PCDHA2: variants seen among roughly 807,000 people sequenced by gnomAD.
The protein encoded by PCDHA2 is protocadherin alpha-2.
In PCDHA2, 58 loss-of-function variants were observed where a neutral mutation model predicts 66.0. That is an observed-to-expected ratio of 0.88 (90% CI 0.71 to 1.09). The LOEUF (loss-of-function observed/expected upper bound fraction) is 1.09, where lower values mean the gene tolerates loss of function less well. Among genes scored for constraint, PCDHA2 ranks in the 50% least tolerant of loss-of-function variants. The pLI is 0.00. For synonymous variants in PCDHA2, 634 were observed against 554.0 expected (o/e 1.14, Z -2.03); for missense variants, 1,267 against 1,242.3 (o/e 1.02, Z -0.30).
chr5:140,971,332 A>G (rs1229650076), intron 1 of PCDHA2, among the ~76,000 whole-genome samples: 3 of 152,242 alleles, frequency 2.0e-5, no homozygotes, highest in Non-Finnish European at 4.4e-5. Context: ...AAATTATTTC[A>G]GAAAGTGCTT....
In PCDHA2 at chr5:140,796,786, T is replaced by G; in HGVS notation, c.1822T>G (p.Ser608Ala). 1 of 1,614,138 alleles carries G rather than the reference T, an allele frequency of 6.2e-7. No homozygotes were observed. The highest frequency in any genetic ancestry group is 8.5e-7 in the Non-Finnish European group (1 of 1,179,978). ...TGACTCAGGCTACAACGCGTGGCTT[T>G]CGTACGAGCTTCAGCTGGGTACTGG... Reference protein sequence around the residue: ...DADSGYNAWLSYELQLGTGSA... With the variant: ...DADSGYNAWLAYELQLGTGSA... The change falls in exon 1 of 4, where the codon TCG becomes GCG. Residue 608 changes from serine to alanine, a missense_variant. By Grantham distance (99) the Ser-to-Ala change is moderately conservative (BLOSUM62 1). Coordinates refer to ENST00000526136, the MANE Select transcript of PCDHA2 (RefSeq NM_018905.3).
At chr5:140,855,023 G>T (rs115040572) in intron 1 of PCDHA2, among the ~76,000 whole-genome samples, 1 of 149,492 alleles carries the variant, frequency 6.7e-6, no homozygotes, top group African/African-American at 2.4e-5. Context: ...GAAACTTCTT[G>T]TATAAAGGAT....
chr5:140,882,565 C>A (rs782122682), intron 1 of PCDHA2: 9 of 1,614,118 alleles, frequency 5.6e-6, no homozygotes, highest in African/African-American at 2.7e-5. Flanking sequence ...GTGGGCGGAG[C>A]GCGGAGTGCA....
chr5:140,898,067 T>C (rs2066506598), intron 1 of PCDHA2, among the ~76,000 whole-genome samples: 1 of 152,122 alleles, frequency 6.6e-6, no homozygotes, highest in Admixed American at 6.5e-5. Context: ...TTGTTTGAGT[T>C]CATTGTAGAT....
intron 1 of PCDHA2, chr5:140,864,867 C>A (rs868913325): frequency 3.9e-5 from 6 of 152,058 alleles, no homozygotes; most frequent in South Asian, 2.1e-4. Context: ...AAGGGTGATA[C>A]CATTGTCTGT....
chr5:140,987,474 G>A (rs114440148), intron 3 of PCDHA2, among the ~76,000 whole-genome samples: 307 of 152,240 alleles, frequency 2.0e-3, no homozygotes, highest in African/African-American at 7.1e-3. Context: ...CTCAAGCTTG[G>A]GAGTCAGTGA....
chr5:140,992,841 A>G (rs1351149915), intron 3 of PCDHA2, among the ~76,000 whole-genome samples: 2 of 152,188 alleles, frequency 1.3e-5, no homozygotes, highest in African/African-American at 2.4e-5. Flanking sequence ...AACATTTTGT[A>G]TAACAACCAG....
At chr5:140,883,526 G>A (rs1554178547) in intron 1 of PCDHA2, 2 of 1,614,226 alleles carry the variant, frequency 1.2e-6, no homozygotes, top group East Asian at 2.2e-5. Flanking sequence ...GAGCGTATCA[G>A]CCTATGAACT....
At chr5:140,829,087 TC>T in intron 1 of PCDHA2, 2 of 1,611,204 alleles carry the variant, frequency 1.2e-6, no homozygotes, top group South Asian at 2.2e-5. Flanking sequence ...CCATGGCGGG[TC>T]ATTGCACCGT....
rs187442653 is a variant in PCDHA2 at position 140,926,080 on chromosome 5, C to T, written c.2389-52869C>T. ...TCCCCTCCTTGTCGTCTCTATTGCC[C>T]TCTTGGCAGCTCCTGGGATACAAGA... On this transcript the variant is annotated intron_variant, in intron 1 of 3. Transcript: ENST00000526136. Among the ~76,000 whole-genome samples, 179 of 152,334 alleles carry T rather than the reference C, an allele frequency of 1.2e-3. 1 individual carries two copies. Among genetic ancestry groups the T allele is most frequent in the African/African-American group, 3.9e-3 (162 of 41,574 alleles).
chr5:140,980,252 A>C (rs993133768), intron 2 of PCDHA2, among the ~76,000 whole-genome samples: 6 of 152,188 alleles, frequency 3.9e-5, no homozygotes, highest in African/African-American at 1.4e-4. Context: ...CAATGGGTAA[A>C]AGCATGGTTT....
chr5:140,988,707 G>A (rs2097310016), intron 3 of PCDHA2, among the ~76,000 whole-genome samples: 1 of 152,106 alleles, frequency 6.6e-6, no homozygotes, highest in African/African-American at 2.4e-5. Context: ...TATTTTCTTG[G>A]ACCTCTCATT....
intron 1 of PCDHA2, among the ~76,000 whole-genome samples, chr5:140,826,100 T>A (rs1768814944): frequency 6.6e-6 from 1 of 152,354 alleles, no homozygotes; most frequent in South Asian, 2.1e-4. Context: ...CCTTCTATCA[T>A]GCTATTTATA....
rs782531082 is a variant in PCDHA2 at position 140,877,160 on chromosome 5, C to T, written c.2388+79808C>T. The T allele has an allele frequency of 4.0e-5, 64 of 1,613,696 alleles. 1 individual carries two copies. In the Admixed American group the frequency reaches 1.0e-3, roughly 26 times the overall value. The stretch of plus-strand genomic sequence containing the variant: ...GTGCTGGACGAGAACGACAACGCGC[C>T]GGCACTGCTGGCGACTCCGGCTGGC... On this transcript the variant is annotated intron_variant, in intron 1 of 3. Transcript: ENST00000526136.
intron 1 of PCDHA2, chr5:140,865,906 T>A (rs2153227023): frequency 6.6e-6 from 1 of 152,286 alleles, no homozygotes; most frequent in Non-Finnish European, 1.5e-5. Flanking sequence ...CAGGCAAATC[T>A]TTCTTTCTGT....
intron 1 of PCDHA2, chr5:140,966,754 G>A (rs1554228611): frequency 1.4e-6 from 2 of 1,432,146 alleles, no homozygotes; most frequent in South Asian, 3.0e-5. Context: ...TGCCTCCGCC[G>A]CGGCCAGTGG....
At chr5:140,816,848 C>T (rs1304434378) in intron 1 of PCDHA2, 1 of 151,714 alleles carries the variant, frequency 6.6e-6, no homozygotes, top group East Asian at 1.9e-4. Context: ...GTGTGCTGTA[C>T]TGTGGGCCCT....
Position 140,977,158 on chromosome 5 carries a change from A to G in PCDHA2, c.2389-1791A>G, listed in dbSNP as rs6862693. Among the ~76,000 whole-genome samples, 983 of 152,340 alleles carry G rather than the reference A, an allele frequency of 6.5e-3. 6 individuals carry two copies. The highest frequency in any genetic ancestry group is 0.023 in the African/African-American group (951 of 41,586). ...CAGTCCTGCTGGAACTGTGCCTTTC[A>G]GCAAAATGAGTTTGATGATTTCATT... On this transcript the variant is annotated intron_variant, in intron 1 of 3. Transcript: ENST00000526136.
At chr5:140,871,125 G>A (rs1387416665) in intron 1 of PCDHA2, 1 of 1,613,330 alleles carries the variant, frequency 6.2e-7, no homozygotes. Context: ...GCGGACAGGC[G>A]CCAAAGGCCT....
Sources: gnomAD v4.1 joint callset for allele counts (sites outside exome capture counted in the v4.1 genomes callset) on GRCh38, gnomAD v4.1.1 for gene constraint, MANE v1.5 for transcripts, NCBI Gene and HGNC (gene_info 2026-07-23, HGNC 2026-07-21) for gene names.